CEP250: variants seen among roughly 807,000 people sequenced by gnomAD.
CEP250 encodes centrosomal protein 250, also known as centrosome-associated protein CEP250.
In CEP250, 242 loss-of-function variants were observed where a neutral mutation model predicts 315.7. That is an observed-to-expected ratio of 0.77 (90% CI 0.69 to 0.85). CEP250 has a LOEUF of 0.85. Ranked by LOEUF, CEP250 falls within the 40% of genes least tolerant of loss-of-function variation. The pLI, the probability that CEP250 is intolerant of heterozygous loss-of-function variation, is 0.00. For missense variants in CEP250, 2,515 were observed against 2,886.4 expected (o/e 0.87, Z 2.95); for synonymous variants, 1,088 against 1,175.0 (o/e 0.93, Z 1.51).
intron 27 of CEP250, 63 bp downstream of exon 27, chr20:35,498,779 G>A (rs2063921170): frequency 1.6e-5 from 24 of 1,489,326 alleles, no homozygotes; most frequent in East Asian, 7.6e-5. Flanking sequence ...GAGGCAAAGG[G>A]GTGTGAAGCA....
intron 28 of CEP250, among the ~76,000 whole-genome samples, chr20:35,500,457 C>T (rs558980542): frequency 3.9e-5 from 6 of 152,244 alleles, no homozygotes; most frequent in South Asian, 2.1e-4. Flanking sequence ...GCGGAGCCAC[C>T]GGGGTCTCTA....
intron 17 of CEP250, among the ~76,000 whole-genome samples, chr20:35,478,611 C>T (rs2063242990): frequency 6.6e-6 from 1 of 152,182 alleles, no homozygotes; most frequent in African/African-American, 2.4e-5. Flanking sequence ...TCATTCACAC[C>T]ACCCAGTTTG....
intron 29 of CEP250, 74 bp from the exon 30 acceptor site, chr20:35,502,314 GAA>G: frequency 7.7e-7 from 1 of 1,298,354 alleles, no homozygotes; most frequent in Middle Eastern, 2.0e-4. Context: ...CACAAAATAA[GAA>G]AGAGAAGGGT....
rs1202928532 is a variant in CEP250, at chr20:35,494,646, A to G, written c.3156A>G (p.Arg1052=). 1 of 1,614,024 alleles carries G rather than the reference A, an allele frequency of 6.2e-7. No homozygotes were observed. The highest frequency in any genetic ancestry group is 1.7e-5 in the Admixed American group (1 of 60,014). ...EYNRIQKELE[R]EKASLTLSLM... ...ACCGAATTCAGAAGGAGCTGGAGAG[A>G]GAGAAAGCCAGGTAGGCTAGATAGG... The change falls in exon 24 of 35, where the codon AGA becomes AGG. Residue 1052 remains arginine (R), a synonymous_variant. Coordinates refer to ENST00000397527, the MANE Select transcript of CEP250 (RefSeq NM_007186.6).
rs372827633 is a variant in CEP250, at chr20:35,477,860, T to C, written c.1864-11T>C. The C allele has an allele frequency of 6.4e-6, 10 of 1,564,092 alleles. No individual in the cohort carries two copies. The highest frequency in any genetic ancestry group is 8.7e-6 in the Non-Finnish European group (10 of 1,153,110). ...TTGATGCTTGTACTCCCTTCCCTTTTTGGCCAGTAGTTAGAGGAGGAGAAC... is the reference window on the plus strand; with the variant it reads ...TTGATGCTTGTACTCCCTTCCCTTTCTGGCCAGTAGTTAGAGGAGGAGAAC... On this transcript the variant is annotated splice_polypyrimidine_tract_variant and intron_variant, in intron 16 of 34. Coordinates refer to ENST00000397527, the MANE Select transcript of CEP250 (RefSeq NM_007186.6).
intron 8 of CEP250, 57 bp downstream of exon 8, chr20:35,467,129 C>A: frequency 2.0e-6 from 2 of 978,682 alleles, no homozygotes; most frequent in Non-Finnish European, 2.9e-6. Flanking sequence ...GGACTAATAA[C>A]AGTGGGCTGC....
intron 14 of CEP250, 107 bp from the exon 15 acceptor site, chr20:35,475,395 G>A: frequency 8.4e-7 from 1 of 1,195,170 alleles, no homozygotes; most frequent in Middle Eastern, 2.5e-4. Flanking sequence ...AGTGTTTATA[G>A]ACCATCCTCA....
rs557810123 is a variant in CEP250 at position 35,480,134 on chromosome 20, C to T, written c.2575C>T (p.Arg859Trp). 3.7e-5 allele frequency: 60 copies of T among 1,611,628 alleles called. No homozygotes were observed. The South Asian group carries it at 4.7e-4, about 13-fold the overall frequency. ...CCATGAGAAAGAGGTGAACCAGCTC[C>T]GGGAGAAATGGGTAAGTGGTCAATG... ...AAHEKEVNQL[R>W]EKWEKERSWH... Residue 859 changes from arginine (R) to tryptophan (W), a missense_variant, in exon 20 of 35, where the codon CGG becomes TGG. Arg to Trp is a moderately radical substitution (Grantham distance 101). Transcript: ENST00000397527.
At chr20:35,464,599 G>T (rs563622272) in intron 5 of CEP250, among the ~76,000 whole-genome samples, 21 of 152,252 alleles carry the variant, frequency 1.4e-4, no homozygotes, top group Non-Finnish European at 2.1e-4. Flanking sequence ...CATCTGGCCC[G>T]AACTCACTGT....
chr20:35,463,230 C>G (rs2062797378), intron 4 of CEP250, among the ~76,000 whole-genome samples: 1 of 152,134 alleles, frequency 6.6e-6, no homozygotes, highest in Non-Finnish European at 1.5e-5. Context: ...TGGCAAAACC[C>G]TGTCTCTACT....
rs535476874 is a variant in CEP250 at position 35,516,858 on chromosome 20, C to G, written c.*5232C>G. On this transcript the variant is annotated 3_prime_UTR_variant, in exon 35 of 35. Coordinates refer to ENST00000397527, the MANE Select transcript of CEP250 (RefSeq NM_007186.6). The stretch of plus-strand genomic sequence containing the variant: ...GTTGTGTGGAGTCCAGGGGTACATC[C>G]AGAAGCAATGGCAGGTGTTATCCAT... 750 of 402,498 alleles carry G rather than the reference C, an allele frequency of 1.9e-3. 1 individual carries two copies. Among genetic ancestry groups the G allele is most frequent in the Middle Eastern group, 3.6e-3 (3 of 828 alleles). The allele number at this position is 402,498 out of a possible 1,614,324, so 24.9% of individuals were successfully genotyped here. A position where few individuals can be genotyped will look rare whatever the true frequency, so the allele number is the denominator to read the frequency against.
intron 5 of CEP250, among the ~76,000 whole-genome samples, chr20:35,464,023 G>C (rs2062817564): frequency 6.6e-6 from 1 of 152,152 alleles, no homozygotes; most frequent in Non-Finnish European, 1.5e-5. Context: ...CTTTGTTCCA[G>C]CTGCCTCTCA....
At position 35,504,186 on chromosome 20, in the gene CEP250, C is replaced by T; in HGVS notation, c.5817C>T (p.Asp1939=). Residue 1939 remains aspartate (D), a synonymous_variant, in exon 30 of 35, where the codon GAC becomes GAT. Transcript: ENST00000397527. The part of the protein sequence containing the change: ...LQAQAVLKER[D]QELEALRAES... ...CCCAGGCAGTGCTCAAGGAACGGGA[C>T]CAGGAGCTGGAAGCTCTGCGGGCAG... 5 of 1,613,596 alleles carry T rather than the reference C, an allele frequency of 3.1e-6. No individual in the cohort carries two copies. The highest frequency in any genetic ancestry group is 4.2e-6 in the Non-Finnish European group (5 of 1,179,838).
rs1266795786 is a variant in CEP250, at chr20:35,503,012, T to G, written c.4643T>G (p.Leu1548Arg). 2 of 1,614,152 alleles carry G rather than the reference T, an allele frequency of 1.2e-6. No homozygotes were observed. The highest frequency in any genetic ancestry group is 1.7e-6 in the Non-Finnish European group (2 of 1,180,022). ...IESQRGQVQD[L>R]KKQLVTLECL... is the part of the protein sequence containing the mutation. ...TCCCAGAGAGGACAGGTTCAGGACC[T>G]GAAAAAGCAGTTGGTTACTCTGGAA... Residue 1548 changes from leucine to arginine, a missense_variant, in exon 30 of 35, where the codon CTG becomes CGG. Coordinates refer to ENST00000397527, the MANE Select transcript of CEP250 (RefSeq NM_007186.6). The surrounding 1 kb of genome is among the most constrained non-coding windows in gnomAD (Gnocchi z 4.2).
intron 10 of CEP250, among the ~76,000 whole-genome samples, chr20:35,470,613 C>T (rs564859903): frequency 9.2e-5 from 14 of 152,042 alleles, no homozygotes; most frequent in South Asian, 4.2e-4. Flanking sequence ...ATTAGCCGGT[C>T]GTGGTGGCAC....
rs576851719 is a variant in CEP250, at chr20:35,508,317, G to T, written c.6906+127G>T. ...CTGCCTGTTTCTGAAAATTAAGTTTGTTTTTTTTTTTCCCGAGACAGAGTC... is the reference window on the plus strand; with the variant it reads ...CTGCCTGTTTCTGAAAATTAAGTTTTTTTTTTTTTTTCCCGAGACAGAGTC... On this transcript the variant is annotated intron_variant, in intron 32 of 34. Coordinates refer to ENST00000397527, the MANE Select transcript of CEP250 (RefSeq NM_007186.6). 2.9e-3 allele frequency: 2,398 copies of T among 838,166 alleles called. 31 individuals are homozygous for T. In the African/African-American group the frequency reaches 0.034, roughly 12 times the overall value. The allele number at this position is 838,166 out of a possible 1,614,324, so 51.9% of individuals were successfully genotyped here. A position where few individuals can be genotyped will look rare whatever the true frequency, so the allele number is the denominator to read the frequency against.
At chr20:35,500,803 T>G (rs75011137) in intron 28 of CEP250, among the ~76,000 whole-genome samples, 3,396 of 152,288 alleles carry the variant, frequency 0.022, 142 homozygotes, top group African/African-American at 0.077. Context: ...CAGCTTTGCT[T>G]GGCCTTTGAG....
Position 35,503,641 on chromosome 20 carries a change from C to G in CEP250, c.5272C>G (p.Gln1758Glu). The change falls in exon 30 of 35, where the codon CAG becomes GAG. Residue 1758 changes from glutamine (Q) to glutamate (E), a missense_variant. Physicochemically the swap from Gln to Glu is conservative, Grantham distance 29. Transcript: ENST00000397527. This position sits in a 1 kb window ranked among gnomAD's most constrained non-coding sequence, Gnocchi z 4.2. ...LQELKDQLEQ[Q>E]LQGLHRKVGE... is the part of the protein sequence containing the mutation. ...GGAGCTCAAAGACCAGCTGGAGCAG[C>G]AGCTCCAGGGCCTGCACAGGAAGGT... 6.2e-7 allele frequency: 1 copy of G among 1,614,098 alleles called. No homozygotes were observed. The highest frequency in any genetic ancestry group is 8.5e-7 in the Non-Finnish European group (1 of 1,179,980).
intron 20 of CEP250, among the ~76,000 whole-genome samples, chr20:35,483,354 T>A (rs2063411521): frequency 6.6e-6 from 1 of 151,000 alleles, no homozygotes; most frequent in African/African-American, 2.4e-5. Flanking sequence ...TTTAAATTTA[T>A]TTTATTTTAT....
Sources: gnomAD v4.1 joint callset for allele counts (sites outside exome capture counted in the v4.1 genomes callset) on GRCh38, gnomAD v4.1.1 for gene constraint, Gnocchi (gnomAD v3.1) non-coding constraint, MANE v1.5 for transcripts, NCBI Gene and HGNC (gene_info 2026-07-23, HGNC 2026-07-21) for gene names.